The following SMG6 variants were observed in gnomAD, a reference collection of about 807,000 sequenced individuals.
SMG6 encodes the protein SMG6 nonsense mediated mRNA decay factor.
In SMG6, 66 loss-of-function variants were observed where a neutral mutation model predicts 142.2. The observed-to-expected ratio is 0.46, with a 90% CI of 0.38 to 0.57. The LOEUF (loss-of-function observed/expected upper bound fraction) is 0.57. SMG6 is among the 20% of genes least tolerant of loss of function. The pLI, the probability that SMG6 is intolerant of heterozygous loss-of-function variation, is 0.00. For missense variants in SMG6, 1,793 were observed against 1,832.0 expected (o/e 0.98, Z 0.39); for synonymous variants, 779 against 702.4 (o/e 1.11, Z -1.72).
chr17:2,135,701 T>C (rs930615819), intron 13 of SMG6, among the ~76,000 whole-genome samples: 1 of 152,230 alleles, frequency 6.6e-6, no homozygotes, highest in African/African-American at 2.4e-5. Flanking sequence ...TTTTGACTGA[T>C]TGATTGAAAC....
intron 13 of SMG6, chr17:2,117,745 T>C (rs1480163435): frequency 6.6e-6 from 1 of 152,136 alleles, no homozygotes; most frequent in Non-Finnish European, 1.5e-5. Flanking sequence ...GATTCTAGCG[T>C]TTGTCGTAAG....
chr17:2,280,871 G>A (rs911300585), intron 8 of SMG6, among the ~76,000 whole-genome samples: 28 of 152,244 alleles, frequency 1.8e-4, no homozygotes, highest in Middle Eastern at 3.4e-3. Context: ...CTTGAGGCCA[G>A]GAGTTTGAGA....
chr17:2,167,131 CAAAAAAAAAAAA>C (rs57898779), intron 13 of SMG6, among the ~76,000 whole-genome samples: 1 of 35,706 alleles, frequency 2.8e-5, no homozygotes, highest in African/African-American at 1.5e-4. Context: ...GACTCCATCT[CAAAAAAAAAAAA>C]AAAAAAAAAA....
intron 13 of SMG6, among the ~76,000 whole-genome samples, chr17:2,121,637 GT>G (rs2069703677): frequency 1.0e-5 from 1 of 95,972 alleles, no homozygotes; most frequent in East Asian, 3.0e-4. Flanking sequence ...GTGTGTGTGT[GT>G]GTGTGTGTAG....
At chr17:2,131,258 A>G (rs2070111491) in intron 13 of SMG6, among the ~76,000 whole-genome samples, 3 of 152,112 alleles carry the variant, frequency 2.0e-5, no homozygotes, top group Non-Finnish European at 2.9e-5. Context: ...CCTAGCTTCA[A>G]CATTTAGCAA....
chr17:2,297,208 AT>A, intron 4 of SMG6, 34 bp downstream of exon 4: 1 of 1,474,034 alleles, frequency 6.8e-7, no homozygotes, highest in Non-Finnish European at 9.3e-7. Context: ...TACGAAATGA[AT>A]GAAAATTTAA....
At chr17:2,122,769 C>A (rs2069744263) in intron 13 of SMG6, among the ~76,000 whole-genome samples, 1 of 152,174 alleles carries the variant, frequency 6.6e-6, no homozygotes, top group Admixed American at 6.5e-5. Flanking sequence ...TGGGAGGTGC[C>A]AGAGCAGCTG....
chr17:2,154,043 C>T (rs548397857), intron 13 of SMG6, among the ~76,000 whole-genome samples: 2 of 118,862 alleles, frequency 1.7e-5, no homozygotes, highest in South Asian at 6.0e-4. Context: ...GACTGGGGAA[C>T]CTGGGGATGC....
At chr17:2,082,436 C>G (rs190860751) in intron 14 of SMG6, 1 of 162,156 alleles carries the variant, frequency 6.2e-6, no homozygotes, top group Non-Finnish European at 1.4e-5. Context: ...GTTCCCTTGC[C>G]GCAGACAGCA....
Position 2,172,909 on chromosome 17 carries a change from A to G in SMG6, c.3156-50T>C, listed in dbSNP as rs1322537588. The G allele has an allele frequency of 1.9e-6, 3 of 1,543,492 alleles. No individual in the cohort carries two copies. In the South Asian group the frequency reaches 3.4e-5, roughly 17 times the overall value. On this transcript the variant is annotated intron_variant, in intron 12 of 18. Transcript: ENST00000263073. ...AGCAGCTCTAAAGAGGGACCAGTAA[A>G]AAAAAGTATTCTCAGTATTTGTGAG...
In SMG6 at chr17:2,186,772, C is replaced by G; in HGVS notation, c.3046G>C (p.Val1016Leu). The change falls in exon 12 of 19, where the codon GTC becomes CTC. Residue 1016 changes from valine (V) to leucine (L), a missense_variant. Physicochemically the swap from Val to Leu is conservative, Grantham distance 32 (BLOSUM62 1). Coordinates refer to ENST00000263073, the MANE Select transcript of SMG6 (RefSeq NM_017575.5). ...DQDDIKVSSF[V>L]PDLKELLPSV... Reference sequence around the variant, plus strand: ...GGGAGCAGCTCCTTCAGGTCCGGGACAAAGGAAGACACCTTGATGTCGTCT... The same window carrying G: ...GGGAGCAGCTCCTTCAGGTCCGGGAGAAAGGAAGACACCTTGATGTCGTCT... 1 of 1,614,174 alleles carries G rather than the reference C, an allele frequency of 6.2e-7. No individual in the cohort carries two copies. Among genetic ancestry groups the G allele is most frequent in the Non-Finnish European group, 8.5e-7 (1 of 1,180,032 alleles).
chr17:2,133,207 G>A (rs2070182434), intron 13 of SMG6, among the ~76,000 whole-genome samples: 1 of 152,128 alleles, frequency 6.6e-6, no homozygotes, highest in Non-Finnish European at 1.5e-5. Flanking sequence ...TGGCGTCACT[G>A]CACTCCAGTG....
chr17:2,266,417 T>C (rs1326971517), intron 8 of SMG6, among the ~76,000 whole-genome samples: 1 of 152,220 alleles, frequency 6.6e-6, no homozygotes, highest in Non-Finnish European at 1.5e-5. Context: ...GATCTCTGTC[T>C]ACAGCAGAAT....
chr17:2,283,735 T>C lies in SMG6; in HGVS notation c.2338A>G (p.Arg780Gly), dbSNP rs866162440. The change falls in exon 7 of 19, where the codon AGG (arginine) becomes GGG (glycine). Residue 780 changes from arginine to glycine, a missense_variant and splice_region_variant. By Grantham distance (125) the Arg-to-Gly change is moderately radical. This residue lies in a region of SMG6 where 1,597 missense variants were observed against 1,584.6 expected (regional missense o/e 1.01). Coordinates refer to ENST00000263073, the MANE Select transcript of SMG6 (RefSeq NM_017575.5). ...TAATAGACAGCGTCAAGCTTCCTCC[T>C]CTGTGGAAAGAGGCCAGAGACATTC... ...NQLALLAVYT[R>G]RKLDAVYYYM... 6.2e-7 allele frequency: 1 copy of C among 1,613,098 alleles called. No individual in the cohort carries two copies. The highest frequency in any genetic ancestry group is 1.1e-5 in the South Asian group (1 of 90,998).
chr17:2,279,150 G>T (rs954183187), intron 8 of SMG6, among the ~76,000 whole-genome samples: 1 of 152,314 alleles, frequency 6.6e-6, no homozygotes, highest in East Asian at 1.9e-4. Context: ...CCTTGAAAAC[G>T]TGACATTTAG....
chr17:2,302,336 G>T (rs1437890795), intron 1 of SMG6, among the ~76,000 whole-genome samples: 1 of 152,114 alleles, frequency 6.6e-6, no homozygotes, highest in Non-Finnish European at 1.5e-5. Flanking sequence ...GAGGACAGGA[G>T]TCCAGACCAT....
At chr17:2,255,792 T>G (rs550492426) in intron 8 of SMG6, 1 of 218,336 alleles carries the variant, frequency 4.6e-6, no homozygotes, top group Non-Finnish European at 9.0e-6. Flanking sequence ...GCTGTGTCTG[T>G]GTGGAAGGAA....
intron 8 of SMG6, among the ~76,000 whole-genome samples, chr17:2,267,863 T>A (rs1022610035): frequency 6.6e-6 from 1 of 151,716 alleles, no homozygotes; most frequent in Non-Finnish European, 1.5e-5. Context: ...TTCTCCTGCC[T>A]CAACCTCCCG....
At chr17:2,070,485 G>A (rs547810055) in intron 15 of SMG6, among the ~76,000 whole-genome samples, 20 of 152,348 alleles carry the variant, frequency 1.3e-4, no homozygotes, top group African/African-American at 4.6e-4. Flanking sequence ...GGAAGTGGAC[G>A]TGCGTGCCAA....
Sources: allele counts gnomAD v4.1 joint callset (sites outside exome capture counted in the v4.1 genomes callset), GRCh38; gene constraint gnomAD v4.1.1; regional missense constraint gnomAD v4.1.1; transcripts MANE v1.5; gene names NCBI Gene and HGNC (gene_info 2026-07-23, HGNC 2026-07-21).